CIMIP4: variants seen among roughly 807,000 people sequenced by gnomAD.
CIMIP4 encodes protein EAN57.
At chr22:36,999,581 A>G in the CIMIP4 span, among the ~76,000 whole-genome samples, 73 of 2,102 alleles carry the variant, frequency 0.035, no homozygotes, top group Non-Finnish European at 0.052. Context: ...AGGGGAGGGG[A>G]GGGGGGGATG....
At chr22:37,001,843 C>T in the CIMIP4 span, 1 of 1,582,252 alleles carries the variant, frequency 6.3e-7, no homozygotes, top group African/African-American at 1.3e-5. Context: ...ACACCTGCTC[C>T]TCGGAGACCA....
chr22:36,994,999 TC>T, the CIMIP4 span, among the ~76,000 whole-genome samples: 1 of 151,990 alleles, frequency 6.6e-6, no homozygotes, highest in Non-Finnish European at 1.5e-5. Context: ...CTAAAGCAAA[TC>T]TGAACAATTT....
the CIMIP4 span, chr22:37,002,217 C>T: frequency 1.4e-6 from 2 of 1,469,486 alleles, no homozygotes; most frequent in East Asian, 5.0e-5. Context: ...TTGGAGGTGT[C>T]CAAGGAACTG....
the CIMIP4 span, among the ~76,000 whole-genome samples, chr22:37,003,184 G>T: frequency 1.3e-5 from 2 of 152,256 alleles, no homozygotes; most frequent in Non-Finnish European, 2.9e-5. Flanking sequence ...TTATCTAAAT[G>T]TGGCCATGTA....
At chr22:37,003,909 G>A in the CIMIP4 span, 2 of 1,507,764 alleles carry the variant, frequency 1.3e-6, no homozygotes, top group Non-Finnish European at 1.8e-6. Flanking sequence ...CTGCCCCAGG[G>A]AGTCCCTCCA....
At chr22:37,004,065 C>A in the CIMIP4 span, 1 of 1,511,608 alleles carries the variant, frequency 6.6e-7, no homozygotes, top group Non-Finnish European at 8.9e-7. Flanking sequence ...TCAGATAACA[C>A]ACAGAGTTTC....
chr22:37,002,347 G>C, the CIMIP4 span: 21 of 933,466 alleles, frequency 2.2e-5, no homozygotes, highest in Non-Finnish European at 2.8e-5. Flanking sequence ...AGAGAGACAC[G>C]CAGACAAGGG....
At chr22:36,994,853 A>C in the CIMIP4 span, among the ~76,000 whole-genome samples, 2 of 151,800 alleles carry the variant, frequency 1.3e-5, no homozygotes, top group Non-Finnish European at 2.9e-5. Context: ...GATGGTCTCG[A>C]TCTCCTGACC....
At chr22:37,002,234 G>T in the CIMIP4 span, 1 of 1,454,966 alleles carries the variant, frequency 6.9e-7, no homozygotes, top group Non-Finnish European at 9.1e-7. Context: ...ACTGTAGGCC[G>T]CTTTCCAGGG....
the CIMIP4 span, among the ~76,000 whole-genome samples, chr22:36,999,315 A>T: frequency 9.5e-5 from 14 of 147,886 alleles, no homozygotes; most frequent in Non-Finnish European, 1.6e-4. Context: ...AAAAAAAAAA[A>T]CAGAAAAGAA....
the CIMIP4 span, chr22:37,002,426 C>T: frequency 6.7e-6 from 4 of 595,092 alleles, no homozygotes; most frequent in South Asian, 1.9e-4. Flanking sequence ...CAAAGAGCCC[C>T]AGAGCTCCAC....
At chr22:37,003,959 G>A in the CIMIP4 span, 36 of 1,549,716 alleles carry the variant, frequency 2.3e-5, no homozygotes, top group African/African-American at 2.7e-4. Flanking sequence ...TGGTCTGCCT[G>A]TCCTACCTGC....
chr22:37,003,477 G>A, the CIMIP4 span, among the ~76,000 whole-genome samples: 1 of 152,180 alleles, frequency 6.6e-6, no homozygotes, highest in Non-Finnish European at 1.5e-5. Flanking sequence ...TCAGGGCAGA[G>A]TGCCTGCTCT....
the CIMIP4 span, among the ~76,000 whole-genome samples, chr22:36,998,477 G>A: frequency 6.6e-6 from 1 of 152,154 alleles, no homozygotes; most frequent in Admixed American, 6.5e-5. Context: ...ATTTTGCAAT[G>A]AGGCCAAACC....
chr22:36,991,283 C>A, the CIMIP4 span: 133 of 1,613,914 alleles, frequency 8.2e-5, no homozygotes, highest in Non-Finnish European at 1.0e-4. Flanking sequence ...CGCCCTACAG[C>A]GAGCAGGAGA....
chr22:37,002,382 G>T, the CIMIP4 span: 2 of 203,584 alleles, frequency 9.8e-6, no homozygotes, highest in African/African-American at 2.5e-5. Context: ...TGGGGAGGGG[G>T]CAGAGATGGG....
the CIMIP4 span, among the ~76,000 whole-genome samples, chr22:37,001,212 T>G: frequency 6.6e-6 from 1 of 151,722 alleles, no homozygotes; most frequent in Non-Finnish European, 1.5e-5. Flanking sequence ...TGGCATTGAC[T>G]AGTGATGTCT....
chr22:36,993,386 C>T, the CIMIP4 span, among the ~76,000 whole-genome samples: 1 of 151,812 alleles, frequency 6.6e-6, no homozygotes, highest in African/African-American at 2.4e-5. Context: ...TTGTTAATTA[C>T]GCATATAAAA....
the CIMIP4 span, among the ~76,000 whole-genome samples, chr22:37,002,486 T>TG: frequency 6.6e-6 from 1 of 151,728 alleles, no homozygotes; most frequent in Non-Finnish European, 1.5e-5. Context: ...ACCAGAGGCA[T>TG]GGGTGGGAAA....
Sources: gnomAD v4.1 joint callset for allele counts (sites outside exome capture counted in the v4.1 genomes callset) on GRCh38, gnomAD v4.1.1 for gene constraint, MANE v1.5 for transcripts, NCBI Gene and HGNC (gene_info 2026-07-23, HGNC 2026-07-21) for gene names.